The following SCN1A variants were observed in gnomAD, a reference collection of about 807,000 sequenced individuals.
SCN1A encodes sodium channel protein type 1 subunit alpha.
In SCN1A, 13 loss-of-function variants were observed where a neutral mutation model predicts 193.7. The ratio of observed to expected loss-of-function variants is 0.07; its 90% CI spans 0.04 to 0.11. The LOEUF (loss-of-function observed/expected upper bound fraction) is 0.11, where lower values mean the gene tolerates loss of function less well. SCN1A is among the 10% of genes least tolerant of loss of function. SCN1A has a pLI of 1.00. For synonymous variants in SCN1A, 781 were observed against 843.6 expected, an observed-to-expected ratio of 0.93 and a Z score of 1.29; for missense variants, 1,432 against 2,451.1, an observed-to-expected ratio of 0.58 and a Z score of 8.78.
At chr2:166,055,715 G>T (rs1699065204) in intron 6 of SCN1A, among the ~76,000 whole-genome samples, 1 of 151,932 alleles carries the variant, frequency 6.6e-6, no homozygotes, top group Non-Finnish European at 1.5e-5. Flanking sequence ...AGGAAGTGTG[G>T]GCAGGTGAGC....
In SCN1A at chr2:166,042,293, T is replaced by G; in HGVS notation, c.2175A>C (p.Glu725Asp). 1 of 1,613,566 alleles carries G rather than the reference T, an allele frequency of 6.2e-7. No individual in the cohort carries two copies. The highest frequency in any genetic ancestry group is 1.1e-5 in the South Asian group (1 of 90,992). ...ACGAAAATAGAATTTGTTACCAACC[T>G]TCTACTGTATTTGTTAGAATGCTGG... ...SIASILTNTV[E>D]ELEESRQKCP... Residue 725 changes from glutamate to aspartate, a missense_variant and splice_region_variant, in exon 15 of 29, where the codon GAA becomes GAC. By Grantham distance (45) the Glu-to-Asp change is conservative. Coordinates refer to ENST00000674923, the MANE Select transcript of SCN1A (RefSeq NM_001165963.4).
Position 166,041,351 on chromosome 2 carries a change from C to T in SCN1A, c.2295G>A (p.Val765=). ...TGGCCAGGTCAACAAATGGGTCCAT[C>T]ACAACCAGGTTGACAACATGTTTCA... The part of the protein sequence containing the change: ...LKVKHVVNLV[V]MDPFVDLAIT... The change falls in exon 16 of 29, where the codon GTG becomes GTA. Residue 765 remains valine (V), a synonymous_variant. Coordinates refer to ENST00000674923, the MANE Select transcript of SCN1A (RefSeq NM_001165963.4). 6.2e-7 allele frequency: 1 copy of T among 1,613,620 alleles called. No individual in the cohort carries two copies. The highest frequency in any genetic ancestry group is 1.7e-4 in the Middle Eastern group (1 of 6,052).
chr2:166,057,710 T>C (rs1699270237), intron 5 of SCN1A, among the ~76,000 whole-genome samples: 1 of 151,986 alleles, frequency 6.6e-6, no homozygotes, highest in South Asian at 2.1e-4. Context: ...ATATTAAAAT[T>C]AGAATGGCCG....
At chr2:166,129,925 CTGGT>C, upstream of SCN1A, among the ~76,000 whole-genome samples, 1 of 152,086 alleles carries the variant, frequency 6.6e-6, no homozygotes, top group Non-Finnish European at 1.5e-5. Flanking sequence ...CGCAGCTGAC[CTGGT>C]CAAAGAGAGC....
intron 19 of SCN1A, among the ~76,000 whole-genome samples, chr2:166,032,243 A>ATGCTCCTCAACTTAC (rs1553539051): frequency 1.1e-4 from 7 of 62,056 alleles, no homozygotes; most frequent in African/African-American, 1.9e-4. Context: ...ACAGAGACAG[A>ATGCTCCTCAACTTAC]GAGAGAAAAT....
chr2:166,058,285 A>T (rs1215772138), intron 5 of SCN1A, among the ~76,000 whole-genome samples: 2 of 152,076 alleles, frequency 1.3e-5, no homozygotes, highest in African/African-American at 4.8e-5. Context: ...TGGTTATCTT[A>T]CTTTAGATTT....
intron 4 of SCN1A, among the ~76,000 whole-genome samples, chr2:166,068,062 C>G (rs1279327561): frequency 6.6e-6 from 1 of 152,080 alleles, no homozygotes; most frequent in Non-Finnish European, 1.5e-5. Flanking sequence ...GCTATTTCTG[C>G]CATCTTGTGG....
chr2:166,055,428 A>G (rs1699031079), intron 6 of SCN1A, among the ~76,000 whole-genome samples: 1 of 151,920 alleles, frequency 6.6e-6, no homozygotes, highest in African/African-American at 2.4e-5. Context: ...GGCCTCCCAT[A>G]TTAGCTTCAA....
intron 2 of SCN1A, among the ~76,000 whole-genome samples, chr2:166,085,317 A>G (rs17801482): frequency 0.23 from 34,458 of 152,062 alleles, 3,976 homozygotes; most frequent in Middle Eastern, 0.4. Flanking sequence ...CATTCTCTGA[A>G]TGTTAGTTAG....
intron 2 of SCN1A, among the ~76,000 whole-genome samples, chr2:166,095,245 A>G (rs1687249653): frequency 6.6e-6 from 1 of 152,108 alleles, no homozygotes. Context: ...ATTTTAACCC[A>G]TAGGTATGAT....
intron 2 of SCN1A, among the ~76,000 whole-genome samples, chr2:166,117,973 A>AAT (rs1553462865): frequency 1.7e-4 from 26 of 149,324 alleles, no homozygotes; most frequent in South Asian, 4.3e-4. Context: ...AAAAAAAAAA[A>AAT]TTTTTTTTTT....
At position 166,008,349 on chromosome 2, in the gene SCN1A, C is replaced by T. The variant is rs578022451; in HGVS notation, c.4002+1370G>A. Among the ~76,000 whole-genome samples the T allele has an allele frequency of 2.0e-5, 3 of 151,152 alleles. No homozygotes were observed. In the South Asian group the frequency reaches 6.2e-4, roughly 31 times the overall value. Reference sequence around the variant, plus strand: ...ATATTTTCAAATGTTTAGCATTGTTCAGATTTCACAAGCCATATAAAATAT... The same window carrying T: ...ATATTTTCAAATGTTTAGCATTGTTTAGATTTCACAAGCCATATAAAATAT... On this transcript the variant is annotated intron_variant, in intron 23 of 28. Coordinates refer to ENST00000674923, the MANE Select transcript of SCN1A (RefSeq NM_001165963.4).
intron 3 of SCN1A, among the ~76,000 whole-genome samples, chr2:166,074,284 G>T (rs915471939): frequency 2.0e-5 from 3 of 152,160 alleles, no homozygotes; most frequent in Admixed American, 2.0e-4. Context: ...TAAAGATAAA[G>T]ACAGTCCACG....
At chr2:166,061,642 C>T (rs965705433) in intron 4 of SCN1A, among the ~76,000 whole-genome samples, 12 of 152,132 alleles carry the variant, frequency 7.9e-5, no homozygotes, top group Admixed American at 4.6e-4. Context: ...GATCACTATA[C>T]ATCATATGTA....
intron 19 of SCN1A, among the ~76,000 whole-genome samples, chr2:166,032,830 TAACAAA>T (rs1374291421): frequency 1.3e-5 from 2 of 152,104 alleles, no homozygotes; most frequent in African/African-American, 4.8e-5. Flanking sequence ...GTAACATGGC[TAACAAA>T]AACAAAAACA....
At chr2:166,081,618 G>T (rs1031239131) in intron 2 of SCN1A, 4 of 151,816 alleles carry the variant, frequency 2.6e-5, no homozygotes, top group Non-Finnish European at 5.9e-5. Flanking sequence ...GAGACACCCA[G>T]CATCCACAAC....
intron 2 of SCN1A, among the ~76,000 whole-genome samples, chr2:166,087,538 C>T (rs568910180): frequency 6.6e-6 from 1 of 152,140 alleles, no homozygotes; most frequent in Non-Finnish European, 1.5e-5. Context: ...GTCTCTACCC[C>T]ACACAGGCTG....
In SCN1A at chr2:165,986,546, T is replaced by A. The variant is rs1014385369; in HGVS notation, c.*4699A>T. 1 of 152,082 alleles carries A rather than the reference T, an allele frequency of 6.6e-6. No individual in the cohort carries two copies. Among genetic ancestry groups the A allele is most frequent in the Non-Finnish European group, 1.5e-5 (1 of 67,980 alleles). 9.4% of individuals were successfully genotyped at this position (152,082 alleles called of 1,614,324 possible). A position where few individuals can be genotyped will look rare whatever the true frequency, so the allele number is the denominator to read the frequency against. ...TGTGACTTTTCAGGAAGATTACTGC[T>A]AGGAAATGAGAATAGTAGTTAAAAA... On this transcript the variant is annotated 3_prime_UTR_variant, in exon 29 of 29. Coordinates refer to ENST00000674923, the MANE Select transcript of SCN1A (RefSeq NM_001165963.4).
At chr2:166,035,959 A>C in intron 19 of SCN1A, 89 bp downstream of exon 19, 1 of 1,397,926 alleles carries the variant, frequency 7.2e-7, no homozygotes, top group Non-Finnish European at 9.9e-7. Context: ...ATCTTAAGTC[A>C]AAACATCATT....
Sources: gnomAD v4.1 joint callset for allele counts (sites outside exome capture counted in the v4.1 genomes callset) on GRCh38, gnomAD v4.1.1 for gene constraint, MANE v1.5 for transcripts, NCBI Gene and HGNC (gene_info 2026-07-23, HGNC 2026-07-21) for gene names.